The following C2 variants were observed in gnomAD, a reference collection of about 807,000 sequenced individuals.
C2 encodes the protein C3/C5 convertase.
In C2, 64 loss-of-function variants were observed where a neutral mutation model predicts 85.2. That is an observed-to-expected ratio of 0.75 (90% CI 0.61 to 0.92). The LOEUF is 0.92. Among genes scored for constraint, C2 ranks in the 40% least tolerant of loss-of-function variants. The pLI, the probability that C2 is intolerant of heterozygous loss-of-function variation, is 0.00. For synonymous variants in C2, 311 were observed against 370.8 expected (o/e 0.84, Z 1.85); for missense variants, 820 against 971.6 (o/e 0.84, Z 2.07).
At chr6:31,900,399 C>T (rs1767120119), upstream of C2, 22 of 1,545,688 alleles carry the variant, frequency 1.4e-5, no homozygotes, top group Non-Finnish European at 1.9e-5. This position sits in a 1 kb window ranked among gnomAD's most constrained non-coding sequence, Gnocchi z 9.7. Context: ...CCCCGGGCAG[C>T]CATGGCCACC....
chr6:31,942,609 A>T (rs994494542), intron 9 of C2, among the ~76,000 whole-genome samples: 5 of 152,088 alleles, frequency 3.3e-5, no homozygotes, highest in African/African-American at 1.2e-4. Flanking sequence ...AGACCAGGGA[A>T]GGCCTCACTG....
intron 3 of C2, among the ~76,000 whole-genome samples, chr6:31,932,948 CACTA>C (rs1450931914): frequency 6.6e-6 from 1 of 152,246 alleles, no homozygotes; most frequent in Admixed American, 6.5e-5. Flanking sequence ...ACCCCGTCTC[CACTA>C]ACAAAATACG....
intron 9 of C2, among the ~76,000 whole-genome samples, chr6:31,941,919 G>A (rs1403555426): frequency 6.9e-6 from 1 of 145,800 alleles, no homozygotes; most frequent in Non-Finnish European, 1.5e-5. Flanking sequence ...CCCGGTTCAA[G>A]CGATTCTCCT....
chr6:31,938,763 G>T (rs1412441817), intron 8 of C2, among the ~76,000 whole-genome samples: 2 of 152,108 alleles, frequency 1.3e-5, no homozygotes, highest in African/African-American at 4.8e-5. Flanking sequence ...AGGTTCAAGC[G>T]ATTCTCCTGC....
At chr6:31,902,945 C>T (rs1312922957) in intron 1 of C2, among the ~76,000 whole-genome samples, 2 of 152,174 alleles carry the variant, frequency 1.3e-5, no homozygotes, top group Admixed American at 6.5e-5. Context: ...CCTTATTCCT[C>T]ACCTCTCCTC....
upstream of C2, among the ~76,000 whole-genome samples, chr6:31,923,200 C>G (rs1220360818): frequency 6.6e-6 from 1 of 152,190 alleles, no homozygotes; most frequent in East Asian, 1.9e-4. Context: ...TCTTTAGCCC[C>G]ACAGGTCAGG....
chr6:31,900,400 C>T (rs765264548), upstream of C2: 7 of 1,545,872 alleles, frequency 4.5e-6, no homozygotes, highest in South Asian at 8.3e-5. This position sits in a 1 kb window ranked among gnomAD's most constrained non-coding sequence, Gnocchi z 9.7. Flanking sequence ...CCCGGGCAGC[C>T]ATGGCCACCG....
chr6:31,919,232 C>A (rs1322628983), upstream of C2, among the ~76,000 whole-genome samples: 1 of 151,268 alleles, frequency 6.6e-6, no homozygotes, highest in Admixed American at 6.6e-5. Flanking sequence ...GCAACCTCTG[C>A]CTCCCAGGTT....
chr6:31,908,825 A>G (rs997129604), intron 1 of C2, among the ~76,000 whole-genome samples: 1 of 152,024 alleles, frequency 6.6e-6, no homozygotes, highest in African/African-American at 2.4e-5. Context: ...ACAGTATTTT[A>G]AAATTAAGGT....
upstream of C2, among the ~76,000 whole-genome samples, chr6:31,898,257 A>G (rs905691262): frequency 1.3e-5 from 2 of 152,160 alleles, no homozygotes; most frequent in Non-Finnish European, 2.9e-5. Flanking sequence ...TTACACCTTC[A>G]CACGCACTAG....
chr6:31,923,961 G>A (rs770585466), upstream of C2, among the ~76,000 whole-genome samples: 10 of 149,976 alleles, frequency 6.7e-5, no homozygotes, highest in Admixed American at 2.0e-4. Context: ...CACCGCGCCC[G>A]GCTAATTATT....
intron 1 of C2, among the ~76,000 whole-genome samples, chr6:31,914,007 C>T (rs1443785384): frequency 3.3e-5 from 5 of 151,674 alleles, no homozygotes; most frequent in African/African-American, 1.2e-4. Flanking sequence ...ACCTGCGATC[C>T]GACTCCCTGG....
At chr6:31,924,061 A>C (rs1359757006), upstream of C2, among the ~76,000 whole-genome samples, 1 of 151,596 alleles carries the variant, frequency 6.6e-6, no homozygotes, top group Non-Finnish European at 1.5e-5. Flanking sequence ...CGGCCTCCCA[A>C]AGTGCTGGGA....
Position 31,935,119 on chromosome 6 carries a change from C to A in C2, c.850-804C>A. On this transcript the variant is annotated intron_variant, in intron 6 of 17. Transcript: ENST00000299367. This position sits in a 1 kb window ranked among gnomAD's most constrained non-coding sequence, Gnocchi z 4.3. ...CTTTGTTTTGTAATTGTGCTTTTCACAATACTTCATGTAACATTATAGATG... is the reference window on the plus strand; with the variant it reads ...CTTTGTTTTGTAATTGTGCTTTTCAAAATACTTCATGTAACATTATAGATG... The A allele has an allele frequency of 2.1e-6, 2 of 965,910 alleles. No homozygotes were observed. Among genetic ancestry groups the A allele is most frequent in the Non-Finnish European group, 2.5e-6 (2 of 812,090 alleles). 59.8% of individuals were successfully genotyped at this position (965,910 alleles called of 1,614,324 possible).
chr6:31,931,165 A>C (rs1475590213), intron 3 of C2, among the ~76,000 whole-genome samples: 1 of 151,650 alleles, frequency 6.6e-6, no homozygotes, highest in Non-Finnish European at 1.5e-5. Flanking sequence ...GTAGTATTCC[A>C]TTATATGGGT....
chr6:31,907,841 CTTTTTTTTT>C (rs9281622), intron 1 of C2, among the ~76,000 whole-genome samples: 3 of 67,976 alleles, frequency 4.4e-5, no homozygotes, highest in Non-Finnish European at 7.5e-5. Context: ...CCACTTCTGG[CTTTTTTTTT>C]TTTTTTTTTT....
intron 8 of C2, among the ~76,000 whole-genome samples, chr6:31,938,393 C>T (rs1453456714): frequency 6.6e-6 from 1 of 151,404 alleles, no homozygotes; most frequent in Non-Finnish European, 1.5e-5. Context: ...GTATAGGAAG[C>T]ACCTGGCCTG....
intron 8 of C2, among the ~76,000 whole-genome samples, chr6:31,938,516 G>A (rs1770623093): frequency 6.7e-6 from 1 of 149,100 alleles, no homozygotes; most frequent in Non-Finnish European, 1.5e-5. Flanking sequence ...TTTTGAGACA[G>A]GGTCTCACTC....
upstream of C2, chr6:31,900,614 C>G: frequency 6.2e-7 from 1 of 1,612,720 alleles, no homozygotes. The surrounding 1 kb of genome is among the most constrained non-coding windows in gnomAD (Gnocchi z 9.7). Context: ...GCCCAGACCC[C>G]CTCCCAGGCC....
Sources: allele counts gnomAD v4.1 joint callset (sites outside exome capture counted in the v4.1 genomes callset), GRCh38; gene constraint gnomAD v4.1.1; non-coding constraint Gnocchi (gnomAD v3.1); transcripts MANE v1.5; gene names NCBI Gene and HGNC (gene_info 2026-07-23, HGNC 2026-07-21).